Variants in CDKAL1 observed in about 807,000 individuals in gnomAD.
CDKAL1 encodes the protein threonylcarbamoyladenosine tRNA methylthiotransferase.
CDKAL1 carries 32 observed loss-of-function variants against 68.2 expected under a neutral mutation model. The observed-to-expected ratio is 0.47, with a 90% CI of 0.35 to 0.63. The LOEUF is 0.63. Ranked by LOEUF, CDKAL1 falls within the 30% of genes least tolerant of loss-of-function variation. The pLI, the probability that CDKAL1 is intolerant of heterozygous loss-of-function variation, is 0.00. For missense variants in CDKAL1, 606 were observed against 696.7 expected (o/e 0.87, Z 1.47); for synonymous variants, 234 against 244.3 (o/e 0.96, Z 0.39).
chr6:20,653,380 G>T (rs1189262459), intron 5 of CDKAL1, among the ~76,000 whole-genome samples: 8 of 152,186 alleles, frequency 5.3e-5, no homozygotes, highest in Non-Finnish European at 1.2e-4. Flanking sequence ...GTCAGCACTT[G>T]ATATGGCCAG....
chr6:20,556,503 C>T (rs1340039287), intron 4 of CDKAL1, among the ~76,000 whole-genome samples: 2 of 152,108 alleles, frequency 1.3e-5, no homozygotes, highest in Non-Finnish European at 2.9e-5. Context: ...TTTGGAAATT[C>T]TAGTGGATTC....
intron 9 of CDKAL1, among the ~76,000 whole-genome samples, chr6:20,885,198 AGG>A (rs771830084): frequency 1.3e-5 from 2 of 152,170 alleles, no homozygotes; most frequent in African/African-American, 2.4e-5. Context: ...TACAGTTGCA[AGG>A]GCCCTGAGTA....
At chr6:21,210,752 C>A (rs1214718536) in intron 15 of CDKAL1, among the ~76,000 whole-genome samples, 1 of 152,132 alleles carries the variant, frequency 6.6e-6, no homozygotes, top group Non-Finnish European at 1.5e-5. Context: ...GGATTCTTTG[C>A]AGACAACAGA....
chr6:20,784,082 G>A (rs4712547), intron 8 of CDKAL1, among the ~76,000 whole-genome samples: 7,776 of 151,856 alleles, frequency 0.051, 291 homozygotes, highest in Admixed American at 0.094. Flanking sequence ...GCGTGGCGGC[G>A]CGTGCCTGTA....
At chr6:20,671,383 T>C (rs1184220682) in intron 5 of CDKAL1, among the ~76,000 whole-genome samples, 1 of 152,238 alleles carries the variant, frequency 6.6e-6, no homozygotes, top group Non-Finnish European at 1.5e-5. Flanking sequence ...TCTGTTTGTC[T>C]GTGGCATATG....
intron 5 of CDKAL1, among the ~76,000 whole-genome samples, chr6:20,732,792 C>T (rs1450262963): frequency 6.6e-6 from 1 of 152,094 alleles, no homozygotes; most frequent in Non-Finnish European, 1.5e-5. Flanking sequence ...GTTTACTTTT[C>T]CGCCCTTCAT....
intron 13 of CDKAL1, among the ~76,000 whole-genome samples, chr6:21,170,608 G>GCCCACCACCACACC (rs1777344114): frequency 6.6e-6 from 1 of 151,928 alleles, no homozygotes; most frequent in Non-Finnish European, 1.5e-5. Flanking sequence ...GATTACAGGC[G>GCCCACCACCACACC]TGAGCCACCA....
At chr6:21,177,257 G>T (rs1223828686) in intron 13 of CDKAL1, among the ~76,000 whole-genome samples, 2 of 152,066 alleles carry the variant, frequency 1.3e-5, no homozygotes, top group Admixed American at 1.3e-4. Context: ...TCACTTGAGA[G>T]ATTTTTTTCC....
At position 20,653,400 on chromosome 6, in the gene CDKAL1, T is replaced by C. The variant is rs150899948; in HGVS notation, c.371+4023T>C. On this transcript the variant is annotated intron_variant, in intron 5 of 15. Coordinates refer to ENST00000274695, the MANE Select transcript of CDKAL1 (RefSeq NM_017774.3). ...CACTTGATATGGCCAGACTTAAGTTTTTGCAAGTCTGTTGGTGATGATGGT... is the reference window on the plus strand; with the variant it reads ...CACTTGATATGGCCAGACTTAAGTTCTTGCAAGTCTGTTGGTGATGATGGT... 2.2e-3 allele frequency among the ~76,000 whole-genome samples: 338 copies of C among 152,296 alleles called. 2 individuals are homozygous for C. Among genetic ancestry groups the C allele is most frequent in the South Asian group, 0.017 (84 of 4,824 alleles).
chr6:21,192,311 G>A (rs913051901), intron 13 of CDKAL1, among the ~76,000 whole-genome samples: 19 of 152,054 alleles, frequency 1.2e-4, no homozygotes, highest in Non-Finnish European at 1.8e-4. Flanking sequence ...GTGAGCCACC[G>A]CGCCCGGCCA....
intron 15 of CDKAL1, among the ~76,000 whole-genome samples, chr6:21,202,060 G>C (rs1481625124): frequency 6.6e-6 from 1 of 152,028 alleles, no homozygotes; most frequent in African/African-American, 2.4e-5. Flanking sequence ...GCATAATCTT[G>C]TTCCTCAAAA....
chr6:21,201,000 T>C (rs1778665771), intron 14 of CDKAL1, 110 bp from the exon 15 acceptor site: 4 of 921,148 alleles, frequency 4.3e-6, no homozygotes, highest in Non-Finnish European at 4.8e-6. Flanking sequence ...GGGAGTTAGG[T>C]ATACAGGAGC....
intron 4 of CDKAL1, among the ~76,000 whole-genome samples, chr6:20,618,210 G>A (rs1767012916): frequency 6.6e-6 from 1 of 152,156 alleles, no homozygotes; most frequent in Non-Finnish European, 1.5e-5. Flanking sequence ...CTGCATAAAC[G>A]TCTTCTTTTG....
At chr6:20,778,303 A>T (rs1379084390) in intron 7 of CDKAL1, among the ~76,000 whole-genome samples, 1 of 152,220 alleles carries the variant, frequency 6.6e-6, no homozygotes. Context: ...AATTGAAAAA[A>T]CATTTACTTT....
chr6:20,670,816 G>A (rs1157570285), intron 5 of CDKAL1, among the ~76,000 whole-genome samples: 1 of 151,960 alleles, frequency 6.6e-6, no homozygotes. Flanking sequence ...TTTACTTTTT[G>A]TAATGTAACC....
intron 4 of CDKAL1, among the ~76,000 whole-genome samples, chr6:20,592,836 A>G (rs1214851503): frequency 6.6e-6 from 1 of 152,184 alleles, no homozygotes; most frequent in Non-Finnish European, 1.5e-5. Flanking sequence ...ATTTTGAGAT[A>G]GGTTCCATCA....
chr6:20,837,312 AG>A (rs1462895167), intron 8 of CDKAL1, among the ~76,000 whole-genome samples: 2 of 151,766 alleles, frequency 1.3e-5, no homozygotes, highest in Non-Finnish European at 2.9e-5. Flanking sequence ...TTTCTTTCCC[AG>A]GATGTTTTGA....
chr6:21,072,186 C>T (rs9350317), intron 12 of CDKAL1, among the ~76,000 whole-genome samples: 23,741 of 152,044 alleles, frequency 0.16, 2,060 homozygotes, highest in East Asian at 0.32. Context: ...TCAGGCTCTG[C>T]GTATTTACTT....
chr6:21,134,225 T>G (rs981371256), intron 13 of CDKAL1, among the ~76,000 whole-genome samples: 3 of 152,202 alleles, frequency 2.0e-5, no homozygotes, highest in Non-Finnish European at 4.4e-5. Flanking sequence ...GTCATACTTT[T>G]CAGGAGCTCA....
Sources: allele counts gnomAD v4.1 joint callset (sites outside exome capture counted in the v4.1 genomes callset), GRCh38; gene constraint gnomAD v4.1.1; transcripts MANE v1.5; gene names NCBI Gene and HGNC (gene_info 2026-07-23, HGNC 2026-07-21).